Variants in HIVEP3 observed in about 807,000 individuals in gnomAD.
HIVEP3 encodes the protein transcription factor HIVEP3.
Under a neutral mutation model 152.8 loss-of-function variants are expected in HIVEP3, and 49 were observed. The observed-to-expected ratio is 0.32, with a 90% CI of 0.26 to 0.41. The LOEUF (loss-of-function observed/expected upper bound fraction) is 0.41, where lower values mean the gene tolerates loss of function less well. HIVEP3 is among the 10% of genes least tolerant of loss of function. HIVEP3 has a pLI of 1.00. For synonymous variants in HIVEP3, 1,269 were observed against 1,289.0 expected (o/e 0.98, Z 0.33); for missense variants, 2,790 against 3,103.3 (o/e 0.90, Z 2.40).
Position 41,575,644 on chromosome 1 carries a change from C to T in HIVEP3, c.5107G>A (p.Ala1703Thr). Reference sequence around the variant, plus strand: ...CTCTCTTCTTCCTTCTCCACTCTAGCTAGATCTTTCTGGCCTTCCGGGGAA... The same window carrying T: ...CTCTCTTCTTCCTTCTCCACTCTAGTTAGATCTTTCTGGCCTTCCGGGGAA... ...LVSPEGQKDL[A>T]RVEKEEERRG... The change falls in exon 5 of 9, where the codon GCT (alanine) becomes ACT (threonine). Residue 1703 changes from alanine to threonine, a missense_variant. By Grantham distance (58) the Ala-to-Thr change is moderately conservative. Coordinates refer to ENST00000372583, the MANE Select transcript of HIVEP3 (RefSeq NM_024503.5). The T allele has an allele frequency of 6.2e-7, 1 of 1,614,182 alleles. No individual in the cohort carries two copies.
At chr1:41,818,267 A>G (rs1642470284) in intron 1 of HIVEP3, among the ~76,000 whole-genome samples, 1 of 152,166 alleles carries the variant, frequency 6.6e-6, no homozygotes, top group Non-Finnish European at 1.5e-5. Flanking sequence ...ACACAACAAA[A>G]TACTAATAAA....
At chr1:41,917,369 G>A (rs1018802588) in intron 1 of HIVEP3, among the ~76,000 whole-genome samples, 2 of 152,104 alleles carry the variant, frequency 1.3e-5, no homozygotes, top group Non-Finnish European at 2.9e-5. Context: ...TAGCCAGTGG[G>A]CACCTGGCTG....
At chr1:41,535,095 C>A (rs542125372) in intron 5 of HIVEP3, among the ~76,000 whole-genome samples, 3 of 152,302 alleles carry the variant, frequency 2.0e-5, no homozygotes, top group East Asian at 1.9e-4. Flanking sequence ...CCAGTGGGTT[C>A]ATTGACATGG....
intron 2 of HIVEP3, among the ~76,000 whole-genome samples, chr1:41,643,890 C>CTTTTTTT (rs58838768): frequency 0.28 from 20,307 of 71,494 alleles, 4,156 homozygotes; most frequent in African/African-American, 0.49. Flanking sequence ...TTCCCATCCT[C>CTTTTTTT]TTTTTTTTTT....
intron 1 of HIVEP3, among the ~76,000 whole-genome samples, chr1:41,774,808 ATTTT>A: frequency 6.7e-6 from 1 of 149,748 alleles, no homozygotes; most frequent in African/African-American, 2.5e-5. Flanking sequence ...TTATTTATTT[ATTTT>A]TTGAGACTGG....
intron 6 of HIVEP3, among the ~76,000 whole-genome samples, chr1:41,520,353 C>T (rs976445063): frequency 6.6e-6 from 1 of 152,092 alleles, no homozygotes; most frequent in African/African-American, 2.4e-5. Flanking sequence ...CTCCTACAAC[C>T]GGAAATAAAT....
intron 5 of HIVEP3, among the ~76,000 whole-genome samples, chr1:41,546,278 C>T (rs1019689145): frequency 8.5e-5 from 13 of 152,090 alleles, no homozygotes; most frequent in Non-Finnish European, 1.8e-4. Context: ...GTGGAGAAGG[C>T]GGGGGGCTCA....
chr1:41,702,588 T>C (rs559559197), intron 1 of HIVEP3, among the ~76,000 whole-genome samples: 1 of 152,218 alleles, frequency 6.6e-6, no homozygotes, highest in Non-Finnish European at 1.5e-5. Flanking sequence ...ATGTGGTAAA[T>C]GCTCAGATAT....
intron 2 of HIVEP3, among the ~76,000 whole-genome samples, chr1:41,643,791 C>T (rs1045464986): frequency 6.6e-6 from 1 of 151,992 alleles, no homozygotes; most frequent in Admixed American, 6.6e-5. Flanking sequence ...AAGGGCGTTC[C>T]ACCTCTGGTC....
chr1:41,710,841 A>T (rs1646502638), intron 1 of HIVEP3, among the ~76,000 whole-genome samples: 1 of 152,072 alleles, frequency 6.6e-6, no homozygotes, highest in Non-Finnish European at 1.5e-5. Context: ...CTTCTTAAGG[A>T]CCTGATTCCT....
intron 2 of HIVEP3, among the ~76,000 whole-genome samples, chr1:41,693,699 G>A (rs374622191): frequency 2.0e-5 from 3 of 152,170 alleles, no homozygotes; most frequent in South Asian, 2.1e-4. Flanking sequence ...GATATTACAC[G>A]TAAGGAGGCA....
In HIVEP3 at chr1:41,582,430, T is replaced by C; in HGVS notation, c.2368A>G (p.Arg790Gly). The C allele has an allele frequency of 6.2e-7, 1 of 1,614,254 alleles. No homozygotes were observed. ...PGSGSESGKE[R>G]RTTSKEISVI... ...GAAATTTCTTTGGACGTTGTTCTCC[T>C]CTCCTTCCCTGATTCTGAACCGGAC... The change falls in exon 4 of 9, where the codon AGG (arginine) becomes GGG (glycine). Residue 790 changes from arginine to glycine, a missense_variant. Transcript: ENST00000372583. The surrounding 1 kb of genome is among the most constrained non-coding windows in gnomAD (Gnocchi z 4.7).
At position 41,833,828 on chromosome 1, in the gene HIVEP3, T is replaced by C. The variant is rs189722412; in HGVS notation, c.-801+84585A>G. Among the ~76,000 whole-genome samples the C allele has an allele frequency of 3.3e-5, 5 of 152,310 alleles. No homozygotes were observed. In the East Asian group the frequency reaches 5.8e-4, roughly 18 times the overall value. On this transcript the variant is annotated intron_variant, in intron 1 of 8. Transcript: ENST00000372583. Reference sequence around the variant, plus strand: ...ATAATAACTAACCACAAGCTGACCATGGTGGAAAATCCAAGATCTGATAAA... The same window carrying C: ...ATAATAACTAACCACAAGCTGACCACGGTGGAAAATCCAAGATCTGATAAA...
Position 41,653,419 on chromosome 1 carries a change from G to A in HIVEP3, c.-720-24472C>T, listed in dbSNP as rs369555803. Among the ~76,000 whole-genome samples, 7 of 152,094 alleles carry A rather than the reference G, an allele frequency of 4.6e-5. No homozygotes were observed. In the South Asian group the frequency reaches 8.3e-4, roughly 18 times the overall value. ...GACTGAGAACTCCTGCAGGATAAGG[G>A]TCTTTAAAGTTTCCCAAATGTACTT... is the stretch of plus-strand genomic sequence containing the variant. On this transcript the variant is annotated intron_variant, in intron 2 of 8. Transcript: ENST00000372583.
At chr1:41,832,131 G>A (rs1458462365) in intron 1 of HIVEP3, among the ~76,000 whole-genome samples, 1 of 152,188 alleles carries the variant, frequency 6.6e-6, no homozygotes, top group Admixed American at 6.5e-5. Context: ...TCTAGCCTAT[G>A]GCTCAGGCTT....
chr1:41,917,332 G>C (rs1246565165), intron 1 of HIVEP3, among the ~76,000 whole-genome samples: 1 of 152,040 alleles, frequency 6.6e-6, no homozygotes, highest in Non-Finnish European at 1.5e-5. Flanking sequence ...ATGCACACCA[G>C]AGTTAACAAA....
chr1:41,745,695 G>A (rs1647061192), intron 1 of HIVEP3, among the ~76,000 whole-genome samples: 1 of 152,216 alleles, frequency 6.6e-6, no homozygotes, highest in Non-Finnish European at 1.5e-5. Context: ...ATGTCTCTGA[G>A]GACCCCAGTG....
Position 41,655,632 on chromosome 1 carries a change from C to T in HIVEP3, c.-720-26685G>A, listed in dbSNP as rs377714936. The stretch of plus-strand genomic sequence containing the variant: ...AGAGAGGGAGAGAGAGAGAAAAGAG[C>T]CCCTGAATCCCTCCCCACGGCATTC... On this transcript the variant is annotated intron_variant, in intron 2 of 8. Transcript: ENST00000372583. 2.3e-4 allele frequency among the ~76,000 whole-genome samples: 35 copies of T among 149,466 alleles called. No homozygotes were observed. The East Asian group carries it at 6.3e-3, about 27-fold the overall frequency.
At position 41,657,201 on chromosome 1, in the gene HIVEP3, G is replaced by T. The variant is rs186171678; in HGVS notation, c.-720-28254C>A. On this transcript the variant is annotated intron_variant, in intron 2 of 8. Coordinates refer to ENST00000372583, the MANE Select transcript of HIVEP3 (RefSeq NM_024503.5). ...AACCTCCCGACACTCCCACAAGCCG[G>T]GTGTTTACACCCCAATTGACCCACA... is the stretch of plus-strand genomic sequence containing the variant. Among the ~76,000 whole-genome samples the T allele has an allele frequency of 2.0e-5, 3 of 152,302 alleles. No homozygotes were observed. In the East Asian group the frequency reaches 5.8e-4, roughly 29 times the overall value.
Sources: gnomAD v4.1 joint callset for allele counts (sites outside exome capture counted in the v4.1 genomes callset) on GRCh38, gnomAD v4.1.1 for gene constraint, Gnocchi (gnomAD v3.1) non-coding constraint, MANE v1.5 for transcripts, NCBI Gene and HGNC (gene_info 2026-07-23, HGNC 2026-07-21) for gene names.